The following CDK5RAP2 variants were observed in gnomAD, a reference collection of about 807,000 sequenced individuals.
The protein encoded by CDK5RAP2 is CDK5 regulatory subunit associated protein 2.
In CDK5RAP2, 147 loss-of-function variants were observed where a neutral mutation model predicts 232.9. That is an observed-to-expected ratio of 0.63 (90% CI 0.55 to 0.72). The LOEUF is 0.72. CDK5RAP2 is among the 30% of genes least tolerant of loss of function. The pLI, the probability that CDK5RAP2 is intolerant of heterozygous loss-of-function variation, is 0.00. For synonymous variants in CDK5RAP2, 833 were observed against 833.7 expected, an observed-to-expected ratio of 1.00 and a Z score of 0.01; for missense variants, 2,195 against 2,231.5, an observed-to-expected ratio of 0.98 and a Z score of 0.33.
chr9:120,393,850 GCCA>G (rs2032220061), intron 36 of CDK5RAP2, among the ~76,000 whole-genome samples: 1 of 152,148 alleles, frequency 6.6e-6, no homozygotes, highest in Admixed American at 6.5e-5. Context: ...CAGCGTCCTA[GCCA>G]CCTTTCCTGT....
intron 25 of CDK5RAP2, among the ~76,000 whole-genome samples, chr9:120,434,190 G>A (rs968425674): frequency 6.6e-6 from 1 of 152,176 alleles, no homozygotes; most frequent in Admixed American, 6.6e-5. Flanking sequence ...CTGTCAAAGA[G>A]CACCTCGTTA....
chr9:120,414,175 C>G (rs908055601), intron 28 of CDK5RAP2, among the ~76,000 whole-genome samples: 4 of 152,222 alleles, frequency 2.6e-5, no homozygotes, highest in African/African-American at 7.2e-5. Context: ...GAGCAAGGCC[C>G]TACTCATAAC....
Position 120,389,075 on chromosome 9 carries a change from A to G in CDK5RAP2, c.*161T>C. The stretch of plus-strand genomic sequence containing the variant: ...GAGCACCTGCACCTTTCTGACAACA[A>G]CTCTCAAGCCAACTTTCAGAGAGAA... On this transcript the variant is annotated 3_prime_UTR_variant, in exon 38 of 38. Transcript: ENST00000349780. 1.4e-6 allele frequency: 1 copy of G among 690,594 alleles called. No homozygotes were observed. The highest frequency in any genetic ancestry group is 2.7e-5 in the East Asian group (1 of 36,908). The allele number at this position is 690,594 out of a possible 1,614,324, so 42.8% of individuals were successfully genotyped here.
In CDK5RAP2 at chr9:120,545,466, T is replaced by C. The variant is rs140232504; in HGVS notation, c.383+248A>G. On this transcript the variant is annotated intron_variant, in intron 5 of 37. Coordinates refer to ENST00000349780, the MANE Select transcript of CDK5RAP2 (RefSeq NM_018249.6). ...GGCATGTTCTGTTTCCTGATCTGGA[T>C]GGTAGCTCCACAGGTGTGTTTGCTT... is the stretch of plus-strand genomic sequence containing the variant. Among the ~76,000 whole-genome samples, 197 of 152,362 alleles carry C rather than the reference T, an allele frequency of 1.3e-3. 1 individual carries two copies. The highest frequency in any genetic ancestry group is 4.5e-3 in the African/African-American group (189 of 41,586).
Position 120,518,584 on chromosome 9 carries a change from GAGCGC to G in CDK5RAP2, c.1149_1153del (p.Arg384ThrfsTer14). ...CTCTGTACTCTTGGTGAGGTTTTGT[GAGCGC>G]AGCGCAGCCGAAAGGGCTTCCTTTC... On this transcript the variant is annotated frameshift_variant, in exon 12 of 38. Coordinates refer to ENST00000349780, the MANE Select transcript of CDK5RAP2 (RefSeq NM_018249.6). LOFTEE classifies it high-confidence loss of function. The G allele has an allele frequency of 1.2e-6, 2 of 1,613,728 alleles. No individual in the cohort carries two copies. The highest frequency in any genetic ancestry group is 1.7e-6 in the Non-Finnish European group (2 of 1,179,982).
chr9:120,522,111 A>T (rs2040694241), intron 11 of CDK5RAP2, among the ~76,000 whole-genome samples: 1 of 152,194 alleles, frequency 6.6e-6, no homozygotes, highest in African/African-American at 2.4e-5. Context: ...GACTATACTC[A>T]GTTGTTTAAA....
At chr9:120,424,151 TC>T (rs965521810) in intron 25 of CDK5RAP2, among the ~76,000 whole-genome samples, 5 of 152,188 alleles carry the variant, frequency 3.3e-5, no homozygotes, top group Non-Finnish European at 7.3e-5. Context: ...GAAGTGGAAA[TC>T]CAGGAGGTTT....
At chr9:120,578,783 T>C (rs2043135373) in intron 1 of CDK5RAP2, among the ~76,000 whole-genome samples, 1 of 152,062 alleles carries the variant, frequency 6.6e-6, no homozygotes, top group Admixed American at 6.6e-5. Flanking sequence ...CCCAGGCTGA[T>C]CTCACACTCC....
chr9:120,453,540 G>A lies in CDK5RAP2; in HGVS notation c.2709C>T (p.Leu903=). The change falls in exon 21 of 38, where the codon CTC becomes CTT. Residue 903 remains leucine, a synonymous_variant. Transcript: ENST00000349780. The part of the protein sequence containing the change: ...AWEEKPINTA[L]SAEHRPENLH... ...GGTTCTCTGGCCGATGCTCTGCGCT[G>A]AGTGCAGTGTTGATCGGTTTCTCTT... 1 of 1,614,168 alleles carries A rather than the reference G, an allele frequency of 6.2e-7. No individual in the cohort carries two copies. Among genetic ancestry groups the A allele is most frequent in the Non-Finnish European group, 8.5e-7 (1 of 1,180,032 alleles).
chr9:120,506,206 C>T (rs2039803511), intron 12 of CDK5RAP2, among the ~76,000 whole-genome samples: 1 of 152,110 alleles, frequency 6.6e-6, no homozygotes, highest in African/African-American at 2.4e-5. Flanking sequence ...GCAAAATCTA[C>T]TCTATCTGTG....
In CDK5RAP2 at chr9:120,438,792, T is replaced by A. The variant is rs932554330; in HGVS notation, c.3722+607A>T. Among the ~76,000 whole-genome samples, 3 of 152,316 alleles carry A rather than the reference T, an allele frequency of 2.0e-5. No homozygotes were observed. The South Asian group carries it at 6.2e-4, about 32-fold the overall frequency. On this transcript the variant is annotated intron_variant, in intron 24 of 37. Coordinates refer to ENST00000349780, the MANE Select transcript of CDK5RAP2 (RefSeq NM_018249.6). ...CTCCTGACAATTCAGAACAATGTGT[T>A]TGACTCAAATTAGTGACAAATGAAG... is the stretch of plus-strand genomic sequence containing the variant.
intron 25 of CDK5RAP2, among the ~76,000 whole-genome samples, chr9:120,425,666 A>T (rs1395125267): frequency 1.3e-5 from 2 of 152,226 alleles, no homozygotes; most frequent in Non-Finnish European, 1.5e-5. Context: ...AGTACTTCCG[A>T]GCTCAAAATC....
intron 14 of CDK5RAP2, among the ~76,000 whole-genome samples, chr9:120,482,484 CCT>C (rs1415692059): frequency 1.3e-5 from 2 of 152,320 alleles, no homozygotes; most frequent in African/African-American, 4.8e-5. Context: ...ATGCCTATCC[CCT>C]GAGACCCAGT....
At chr9:120,555,860 T>G (rs1052791924) in intron 3 of CDK5RAP2, among the ~76,000 whole-genome samples, 2 of 152,216 alleles carry the variant, frequency 1.3e-5, no homozygotes, top group African/African-American at 4.8e-5. Flanking sequence ...GACAGAATAG[T>G]GCTCAGCAAC....
intron 11 of CDK5RAP2, among the ~76,000 whole-genome samples, chr9:120,522,277 T>C (rs1325512974): frequency 1.3e-5 from 2 of 152,222 alleles, no homozygotes; most frequent in Non-Finnish European, 2.9e-5. Context: ...GATGTTACCT[T>C]TGGGACAACT....
chr9:120,487,789 C>T (rs1198250374), intron 13 of CDK5RAP2, among the ~76,000 whole-genome samples: 3 of 152,230 alleles, frequency 2.0e-5, no homozygotes, highest in African/African-American at 7.2e-5. Context: ...GTTCATCCTG[C>T]TCAGGGTGCG....
chr9:120,498,002 C>T (rs1421823083), intron 12 of CDK5RAP2, among the ~76,000 whole-genome samples: 1 of 152,204 alleles, frequency 6.6e-6, no homozygotes, highest in Non-Finnish European at 1.5e-5. Context: ...GTCTTGCTGG[C>T]TCCTTGCTCT....
At chr9:120,479,496 T>C (rs1365102230) in intron 14 of CDK5RAP2, among the ~76,000 whole-genome samples, 1 of 152,174 alleles carries the variant, frequency 6.6e-6, no homozygotes, top group Non-Finnish European at 1.5e-5. Context: ...TTATCAAAGT[T>C]AGCATGGCCA....
rs994144998 is a variant in CDK5RAP2, at chr9:120,514,296, C to G, written c.1311+4131G>C. ...CTGCCCAGTGCCCTGAAACAAAATA[C>G]CACTTTTTCTGGGTACCCGCTCATC... On this transcript the variant is annotated intron_variant, in intron 12 of 37. Coordinates refer to ENST00000349780, the MANE Select transcript of CDK5RAP2 (RefSeq NM_018249.6). 9.2e-5 allele frequency among the ~76,000 whole-genome samples: 14 copies of G among 152,106 alleles called. 1 individual carries two copies. The highest frequency in any genetic ancestry group is 3.3e-4 in the Admixed American group (5 of 15,268).
Sources: gnomAD v4.1 joint callset for allele counts (sites outside exome capture counted in the v4.1 genomes callset) on GRCh38, gnomAD v4.1.1 for gene constraint, MANE v1.5 for transcripts, NCBI Gene and HGNC (gene_info 2026-07-23, HGNC 2026-07-21) for gene names.